Variants in SNX9 observed in about 807,000 individuals in gnomAD.
SNX9 encodes the protein sorting nexin 9.
Under a neutral mutation model 89.4 loss-of-function variants are expected in SNX9, and 44 were observed. The observed-to-expected ratio is 0.49, with a 90% CI of 0.39 to 0.63. The LOEUF (loss-of-function observed/expected upper bound fraction) is 0.63, where lower values mean the gene tolerates loss of function less well. SNX9 is among the 30% of genes least tolerant of loss of function. SNX9 has a pLI of 0.00. For missense variants in SNX9, 578 were observed against 736.1 expected, an observed-to-expected ratio of 0.79 and a Z score of 2.49; for synonymous variants, 236 against 247.8, an observed-to-expected ratio of 0.95 and a Z score of 0.45.
At chr6:157,872,911 T>C (rs1321336277) in intron 2 of SNX9, 191 bp from the exon 3 acceptor site, 33 of 439,010 alleles carry the variant, frequency 7.5e-5, no homozygotes, top group Non-Finnish European at 1.3e-4. Context: ...TTTTTCTTGT[T>C]TTTAGGTTAC....
intron 1 of SNX9, among the ~76,000 whole-genome samples, chr6:157,867,259 T>C (rs974552765): frequency 1.3e-5 from 2 of 152,180 alleles, no homozygotes; most frequent in Non-Finnish European, 2.9e-5. Context: ...TCAACCAAAA[T>C]AGGTATATTT....
chr6:157,875,918 A>T (rs968241164), intron 4 of SNX9, among the ~76,000 whole-genome samples: 2 of 151,712 alleles, frequency 1.3e-5, no homozygotes. Context: ...AGGCAGGTGG[A>T]TTGCTTGAGT....
intron 10 of SNX9, 24 bp downstream of exon 10, chr6:157,921,685 A>G (rs1468405454): frequency 1.9e-6 from 3 of 1,604,526 alleles, no homozygotes; most frequent in Admixed American, 1.7e-5. Flanking sequence ...TTAATATGGC[A>G]TCAGAGAATA....
intron 10 of SNX9, among the ~76,000 whole-genome samples, chr6:157,922,855 A>G (rs1044030061): frequency 1.2e-4 from 18 of 152,232 alleles, no homozygotes; most frequent in African/African-American, 4.3e-4. Flanking sequence ...ATAGTAGTGA[A>G]ACTAAGTTCT....
intron 5 of SNX9, among the ~76,000 whole-genome samples, chr6:157,899,447 A>G (rs1363402594): frequency 6.6e-6 from 1 of 152,170 alleles, no homozygotes; most frequent in Non-Finnish European, 1.5e-5. Context: ...ACATTCTTAC[A>G]GTCTGCATTT....
intron 9 of SNX9, among the ~76,000 whole-genome samples, chr6:157,918,714 G>GT (rs1783523085): frequency 6.6e-6 from 1 of 151,886 alleles, no homozygotes; most frequent in African/African-American, 2.4e-5. Context: ...ACGGTGTATT[G>GT]TTTTAATTCC....
chr6:157,923,391 A>G (rs1783622302), intron 10 of SNX9, among the ~76,000 whole-genome samples: 1 of 151,876 alleles, frequency 6.6e-6, no homozygotes, highest in Non-Finnish European at 1.5e-5. Flanking sequence ...GATACAAGAC[A>G]TTGCATATTT....
intron 4 of SNX9, among the ~76,000 whole-genome samples, chr6:157,894,161 G>A (rs145642572): frequency 0.024 from 3,265 of 135,534 alleles, 147 homozygotes; most frequent in African/African-American, 0.087. Flanking sequence ...CCAGTCTGGA[G>A]TGCAGTGGCG....
rs1316754714 is a variant in SNX9, at chr6:157,826,809, TATATAA to T, written c.12+3369_12+3374del. Among the ~76,000 whole-genome samples, 241 of 114,554 alleles carry T rather than the reference TATATAA, an allele frequency of 2.1e-3. 41 individuals are homozygous for T. The highest frequency in any genetic ancestry group is 7.1e-3 in the African/African-American group (159 of 22,394). 75.2% of individuals were successfully genotyped at this position (114,554 alleles called of 152,430 possible). A position where few individuals can be genotyped will look rare whatever the true frequency, so the allele number is the denominator to read the frequency against. On this transcript the variant is annotated intron_variant, in intron 1 of 17. Transcript: ENST00000392185. ...TATTATATATATATATTATATTTTA[TATATAA>T]ATATATATTATATTTTATATATATA...
intron 1 of SNX9, among the ~76,000 whole-genome samples, chr6:157,826,799 T>TAAA (rs1395906773): frequency 8.9e-4 from 91 of 101,924 alleles, no homozygotes; most frequent in South Asian, 1.8e-3. Context: ...TATATATATA[T>TAAA]TATATTTTAT....
chr6:157,891,479 C>T (rs11966005), intron 4 of SNX9, among the ~76,000 whole-genome samples: 1,740 of 152,256 alleles, frequency 0.011, 40 homozygotes, highest in African/African-American at 0.04. Flanking sequence ...TAAGGCAAAT[C>T]TGATTTCCTC....
intron 4 of SNX9, among the ~76,000 whole-genome samples, chr6:157,892,998 G>T (rs1169816152): frequency 3.9e-5 from 6 of 152,200 alleles, no homozygotes; most frequent in Non-Finnish European, 8.8e-5. Context: ...ATGGAAACCA[G>T]GCTGAGGCTG....
intron 1 of SNX9, among the ~76,000 whole-genome samples, chr6:157,825,703 A>G (rs1456013033): frequency 6.6e-6 from 1 of 152,208 alleles, no homozygotes; most frequent in African/African-American, 2.4e-5. Flanking sequence ...CGAAGCAGTT[A>G]TTAAAAGAAG....
intron 12 of SNX9, among the ~76,000 whole-genome samples, chr6:157,931,071 C>T (rs1234669621): frequency 6.6e-6 from 1 of 152,198 alleles, no homozygotes; most frequent in Non-Finnish European, 1.5e-5. Flanking sequence ...GGAATACTGG[C>T]CTCAGGCCGC....
chr6:157,887,064 G>A (rs1457342038), intron 4 of SNX9, among the ~76,000 whole-genome samples: 1 of 152,098 alleles, frequency 6.6e-6, no homozygotes, highest in Non-Finnish European at 1.5e-5. Context: ...GATAAATTAT[G>A]AGTGGATGTC....
intron 1 of SNX9, among the ~76,000 whole-genome samples, chr6:157,850,350 A>G (rs1265596488): frequency 6.6e-6 from 1 of 152,126 alleles, no homozygotes; most frequent in Non-Finnish European, 1.5e-5. Context: ...TGAAATTTGA[A>G]TTTCTTGATG....
intron 4 of SNX9, among the ~76,000 whole-genome samples, chr6:157,881,504 C>G (rs1476215682): frequency 3.3e-5 from 5 of 152,106 alleles, no homozygotes; most frequent in African/African-American, 1.2e-4. Context: ...AATTATTAAG[C>G]TTAGTGAGGA....
chr6:157,938,664 A>G lies in SNX9; in HGVS notation c.1565A>G (p.Lys522Arg), dbSNP rs1583249811. ...ATAGAAAAAGTGAAAGAAAGTGACA[A>G]ACTAGTTGCAACAAGTAAAATCACC... is the stretch of plus-strand genomic sequence containing the variant. ...GAIEKVKESDKLVATSKITLQ... is the reference protein window; with the variant it reads ...GAIEKVKESDRLVATSKITLQ... The change falls in exon 16 of 18, where the codon AAA becomes AGA. Residue 522 changes from lysine to arginine, a missense_variant. Lys to Arg is a conservative substitution (Grantham distance 26, BLOSUM62 2). Around this residue, in one of 2 missense-constraint regions of SNX9, gnomAD observed 348 missense variants for 491.4 expected, o/e 0.71. Coordinates refer to ENST00000392185, the MANE Select transcript of SNX9 (RefSeq NM_016224.5). The G allele has an allele frequency of 6.2e-7, 1 of 1,613,990 alleles. No homozygotes were observed. Among genetic ancestry groups the G allele is most frequent in the Non-Finnish European group, 8.5e-7 (1 of 1,179,888 alleles).
At chr6:157,890,459 A>G (rs1782834759) in intron 4 of SNX9, among the ~76,000 whole-genome samples, 1 of 152,222 alleles carries the variant, frequency 6.6e-6, no homozygotes, top group Non-Finnish European at 1.5e-5. Flanking sequence ...TAGCTTTTAA[A>G]TTTAGAACGT....
Sources: gnomAD v4.1 joint callset for allele counts (sites outside exome capture counted in the v4.1 genomes callset) on GRCh38, gnomAD v4.1.1 for gene constraint, gnomAD v4.1.1 regional missense constraint, MANE v1.5 for transcripts, NCBI Gene and HGNC (gene_info 2026-07-23, HGNC 2026-07-21) for gene names.